Variants in ARHGAP26 observed in about 807,000 individuals in gnomAD.
The protein encoded by ARHGAP26 is rho GTPase-activating protein 26.
ARHGAP26 carries 38 observed loss-of-function variants against 104.8 expected under a neutral mutation model. The observed-to-expected ratio is 0.36, with a 90% CI of 0.28 to 0.48. The LOEUF (loss-of-function observed/expected upper bound fraction) is 0.48, where lower values mean the gene tolerates loss of function less well. ARHGAP26 is among the 20% of genes least tolerant of loss of function. The pLI is 0.99. For missense variants in ARHGAP26, 704 were observed against 947.9 expected (o/e 0.74, Z 3.38); for synonymous variants, 341 against 340.0 (o/e 1.00, Z -0.03).
chr5:143,147,346 C>T lies in ARHGAP26; in HGVS notation c.1953C>T (p.Asp651=), dbSNP rs1562506903. The part of the protein sequence containing the change: ...LQPNMNSSDP[D]LAVVKPTRPN... ...CCAACATGAACTCCAGTGACCCAGACCTGGCTGTGGTCAAACCCACCCGGC... is the reference window on the plus strand; with the variant it reads ...CCAACATGAACTCCAGTGACCCAGATCTGGCTGTGGTCAAACCCACCCGGC... Residue 651 remains aspartate (D), a synonymous_variant, in exon 20 of 23, where the codon GAC becomes GAT. Transcript: ENST00000645722. 1 of 1,614,016 alleles carries T rather than the reference C, an allele frequency of 6.2e-7. No homozygotes were observed. The highest frequency in any genetic ancestry group is 8.5e-7 in the Non-Finnish European group (1 of 1,179,938).
chr5:143,146,483 G>A (rs1054754785), intron 19 of ARHGAP26, among the ~76,000 whole-genome samples: 14 of 152,188 alleles, frequency 9.2e-5, no homozygotes, highest in African/African-American at 3.4e-4. Context: ...AGCCAGTCAG[G>A]GCTTGAAGAG....
chr5:142,988,476 G>A (rs547687292), intron 11 of ARHGAP26, among the ~76,000 whole-genome samples: 3,544 of 152,014 alleles, frequency 0.023, 59 homozygotes, highest in Middle Eastern at 0.055. Context: ...AGGGTTTTTT[G>A]TGTCTCTGTC....
At chr5:143,063,589 C>T (rs1787060461) in intron 17 of ARHGAP26, among the ~76,000 whole-genome samples, 1 of 152,220 alleles carries the variant, frequency 6.6e-6, no homozygotes, top group South Asian at 2.1e-4. Flanking sequence ...CTGCATGGCA[C>T]ACAATAGACG....
At chr5:143,095,463 T>A (rs1792156058) in intron 17 of ARHGAP26, among the ~76,000 whole-genome samples, 1 of 152,258 alleles carries the variant, frequency 6.6e-6, no homozygotes, top group Non-Finnish European at 1.5e-5. Context: ...TTCTATCTGT[T>A]TATGTTTTAC....
At chr5:143,121,460 A>AT (rs1351388173) in intron 18 of ARHGAP26, among the ~76,000 whole-genome samples, 3 of 152,240 alleles carry the variant, frequency 2.0e-5, no homozygotes, top group African/African-American at 7.2e-5. Context: ...CCTCACAACA[A>AT]TTCAATGAAG....
chr5:143,096,510 A>G (rs1201715692), intron 17 of ARHGAP26, among the ~76,000 whole-genome samples: 1 of 152,232 alleles, frequency 6.6e-6, no homozygotes, highest in Non-Finnish European at 1.5e-5. Flanking sequence ...GTTTCATGAA[A>G]AAAGAGGTTC....
chr5:142,821,665 C>G (rs1766218571), intron 1 of ARHGAP26, among the ~76,000 whole-genome samples: 1 of 152,056 alleles, frequency 6.6e-6, no homozygotes, highest in African/African-American at 2.4e-5. Context: ...TAACAAGATA[C>G]CCAGGTGATT....
At chr5:143,145,330 C>T (rs149041792) in intron 19 of ARHGAP26, among the ~76,000 whole-genome samples, 22 of 152,300 alleles carry the variant, frequency 1.4e-4, no homozygotes, top group East Asian at 1.2e-3. Flanking sequence ...GCTTCTCAAA[C>T]TAAAGTTAAT....
chr5:143,099,858 T>A (rs1792960380), intron 17 of ARHGAP26, among the ~76,000 whole-genome samples: 1 of 152,004 alleles, frequency 6.6e-6, no homozygotes, highest in African/African-American at 2.4e-5. Flanking sequence ...ATAAAAACAA[T>A]AATAAGGGAT....
chr5:142,903,446 C>T, intron 7 of ARHGAP26, 94 bp from the exon 8 acceptor site: 1 of 1,379,714 alleles, frequency 7.2e-7, no homozygotes, highest in Non-Finnish European at 9.9e-7. Flanking sequence ...TGTCCTTTAT[C>T]TCATTTTAGA....
intron 1 of ARHGAP26, among the ~76,000 whole-genome samples, chr5:142,775,158 AG>A (rs1756048567): frequency 1.3e-5 from 2 of 152,062 alleles, no homozygotes; most frequent in Non-Finnish European, 2.9e-5. Flanking sequence ...TAGTACGTGT[AG>A]TTTTTTTTAA....
intron 11 of ARHGAP26, among the ~76,000 whole-genome samples, chr5:142,939,328 A>G (rs1430379950): frequency 3.3e-5 from 5 of 152,112 alleles, no homozygotes; most frequent in African/African-American, 1.2e-4. Context: ...TGGCTACTGC[A>G]GTGGATGAAG....
chr5:143,009,661 G>A (rs1778465025), intron 11 of ARHGAP26, among the ~76,000 whole-genome samples: 2 of 152,190 alleles, frequency 1.3e-5, no homozygotes, highest in African/African-American at 4.8e-5. Flanking sequence ...GTAAACACAT[G>A]TAATTTCTCT....
At position 142,871,935 on chromosome 5, in the gene ARHGAP26, AC is replaced by A; in HGVS notation, c.155-1463del. 6.6e-6 allele frequency among the ~76,000 whole-genome samples: 1 copy of A among 151,914 alleles called. No homozygotes were observed. Among genetic ancestry groups the A allele is most frequent in the Middle Eastern group, 3.4e-3 (1 of 294 alleles). ...GTGTAGAGCAGAGCGCTTTGGACAA[AC>A]CGCAGCTATCTCGGGACCGTGTCAT... On this transcript the variant is annotated intron_variant, in intron 1 of 22. Coordinates refer to ENST00000645722, the MANE Select transcript of ARHGAP26 (RefSeq NM_001135608.3). The surrounding 1 kb of genome is among the most constrained non-coding windows in gnomAD (Gnocchi z 4.1).
At chr5:142,788,302 A>G (rs994752743) in intron 1 of ARHGAP26, among the ~76,000 whole-genome samples, 1 of 152,100 alleles carries the variant, frequency 6.6e-6, no homozygotes, top group Non-Finnish European at 1.5e-5. Flanking sequence ...CGCCCGGCCA[A>G]TTAATCAGTT....
At chr5:143,109,578 C>T (rs1233553971) in intron 17 of ARHGAP26, among the ~76,000 whole-genome samples, 1 of 152,072 alleles carries the variant, frequency 6.6e-6, no homozygotes, top group African/African-American at 2.4e-5. Flanking sequence ...CCTCAGCTTC[C>T]CGAGTAGCTG....
chr5:142,972,292 T>C (rs945494501), intron 11 of ARHGAP26, among the ~76,000 whole-genome samples: 5 of 152,134 alleles, frequency 3.3e-5, no homozygotes, highest in Non-Finnish European at 7.4e-5. Context: ...CTGCTCTCCT[T>C]CTGATTCCCT....
chr5:142,773,422 A>T (rs1244314976), intron 1 of ARHGAP26, among the ~76,000 whole-genome samples: 3 of 152,224 alleles, frequency 2.0e-5, no homozygotes, highest in Admixed American at 6.5e-5. Context: ...AGTGTTAATC[A>T]TAGGCAATAA....
chr5:143,190,739 TG>T (rs1805812362), intron 20 of ARHGAP26, among the ~76,000 whole-genome samples: 1 of 152,206 alleles, frequency 6.6e-6, no homozygotes. Context: ...AGCCACACAC[TG>T]GGAAAATATA....
Sources: allele counts gnomAD v4.1 joint callset (sites outside exome capture counted in the v4.1 genomes callset), GRCh38; gene constraint gnomAD v4.1.1; non-coding constraint Gnocchi (gnomAD v3.1); transcripts MANE v1.5; gene names NCBI Gene and HGNC (gene_info 2026-07-23, HGNC 2026-07-21).